Variants in NACC2 observed in about 807,000 individuals in gnomAD.
NACC2 encodes the protein nucleus accumbens-associated protein 2.
A neutral mutation model predicts 25.1 loss-of-function variants in NACC2; 8 were observed. The ratio of observed to expected loss-of-function variants is 0.32; its 90% confidence interval spans 0.19 to 0.57. The LOEUF is 0.57. Ranked by LOEUF, NACC2 falls within the 20% of genes least tolerant of loss-of-function variation. The probability of loss-of-function intolerance (pLI) is 0.89; values close to 1 mark genes in which losing one functional copy is unlikely to be tolerated. For missense variants in NACC2, 644 were observed against 650.2 expected (o/e 0.99, Z 0.10); for synonymous variants, 435 against 294.7 (o/e 1.48, Z -4.88).
At chr9:136,070,987 TG>T (rs1841143572) in intron 1 of NACC2, among the ~76,000 whole-genome samples, 1 of 151,648 alleles carries the variant, frequency 6.6e-6, no homozygotes, top group Admixed American at 6.6e-5. Flanking sequence ...CCCAGCACTT[TG>T]GGAGGCTGAG....
chr9:136,051,526 G>A (rs956276435), intron 1 of NACC2, among the ~76,000 whole-genome samples: 9 of 152,180 alleles, frequency 5.9e-5, no homozygotes, highest in African/African-American at 1.7e-4. Flanking sequence ...GGGCGGGGGC[G>A]GCCCAGAAGG....
intron 2 of NACC2, among the ~76,000 whole-genome samples, chr9:136,048,513 G>A (rs1418258239): frequency 1.3e-5 from 2 of 152,350 alleles, no homozygotes; most frequent in South Asian, 2.1e-4. Context: ...AGATCGAGGT[G>A]GCCTGTGAGC....
chr9:136,024,505 G>A lies in NACC2; in HGVS notation c.887-8076C>T, dbSNP rs574720495. 3.5e-4 allele frequency among the ~76,000 whole-genome samples: 14 copies of A among 39,852 alleles called. No homozygotes were observed. In the East Asian group the frequency reaches 0.012, roughly 33 times the overall value. The allele number at this position is 39,852 out of a possible 152,430, so 26.1% of individuals were successfully genotyped here. A position where few individuals can be genotyped will look rare whatever the true frequency, so the allele number is the denominator to read the frequency against. Reference sequence around the variant, plus strand: ...AGGACAGTGTGTGTGAGGACAGAATGTGTGTGTGTGTGTGTGTGTGTGTGT... The same window carrying A: ...AGGACAGTGTGTGTGAGGACAGAATATGTGTGTGTGTGTGTGTGTGTGTGT... On this transcript the variant is annotated intron_variant, in intron 2 of 5. Coordinates refer to ENST00000277554, the MANE Select transcript of NACC2 (RefSeq NM_144653.5).
At chr9:136,046,239 C>T (rs1840722633) in intron 2 of NACC2, among the ~76,000 whole-genome samples, 1 of 152,232 alleles carries the variant, frequency 6.6e-6, no homozygotes, top group African/African-American at 2.4e-5. Context: ...CAATCTCTAG[C>T]TCAGATGCAA....
rs1314850477 is a variant in NACC2, at chr9:136,020,260, C to T, written c.887-3831G>A. Among the ~76,000 whole-genome samples, 7 of 152,186 alleles carry T rather than the reference C, an allele frequency of 4.6e-5. No individual in the cohort carries two copies. Among genetic ancestry groups the T allele is most frequent in the Non-Finnish European group, 1.0e-4 (7 of 68,030 alleles). ...GGAAACCGGGTCTCATTGGCCTCACCCTGACTTTTCTCAACTCCCTGGGTT... is the reference window on the plus strand; with the variant it reads ...GGAAACCGGGTCTCATTGGCCTCACTCTGACTTTTCTCAACTCCCTGGGTT... On this transcript the variant is annotated intron_variant, in intron 2 of 5. Transcript: ENST00000277554. The surrounding 1 kb of genome is among the most constrained non-coding windows in gnomAD (Gnocchi z 4.7).
At chr9:136,064,007 G>A (rs1035892306) in intron 1 of NACC2, among the ~76,000 whole-genome samples, 1 of 152,016 alleles carries the variant, frequency 6.6e-6, no homozygotes, top group Non-Finnish European at 1.5e-5. Context: ...TGAAACTGTA[G>A]GCCAGGCGTG....
At position 136,011,476 on chromosome 9, in the gene NACC2, G is replaced by C. The variant is rs1446841244; in HGVS notation, c.*40C>G. On this transcript the variant is annotated 3_prime_UTR_variant, in exon 6 of 6. Coordinates refer to ENST00000277554, the MANE Select transcript of NACC2 (RefSeq NM_144653.5). ...TTTGTATTAGTAACGCATGCAAGCAGCTCTAGTACTCGGTCCCTCGCGCAG... is the reference window on the plus strand; with the variant it reads ...TTTGTATTAGTAACGCATGCAAGCACCTCTAGTACTCGGTCCCTCGCGCAG... 1.5e-6 allele frequency: 2 copies of C among 1,346,806 alleles called. No individual in the cohort carries two copies. The highest frequency in any genetic ancestry group is 1.9e-6 in the Non-Finnish European group (2 of 1,050,672). 83.4% of individuals were successfully genotyped at this position (1,346,806 alleles called of 1,614,324 possible).
chr9:136,023,961 CCA>C (rs1840335500), intron 2 of NACC2, among the ~76,000 whole-genome samples: 1 of 152,232 alleles, frequency 6.6e-6, no homozygotes, highest in Non-Finnish European at 1.5e-5. Flanking sequence ...ACAACCCCCC[CCA>C]CACACACGTG....
chr9:136,026,343 CAAAAAAAAAAAA>C (rs34514433), intron 2 of NACC2, among the ~76,000 whole-genome samples: 1 of 45,528 alleles, frequency 2.2e-5, no homozygotes, highest in Middle Eastern at 0.013. Flanking sequence ...AACTCCATCT[CAAAAAAAAAAAA>C]AAAAAAAAAA....
At chr9:136,036,321 C>T (rs1473677285) in intron 2 of NACC2, among the ~76,000 whole-genome samples, 3 of 151,996 alleles carry the variant, frequency 2.0e-5, no homozygotes, top group African/African-American at 7.3e-5. Flanking sequence ...AGATGCTCAA[C>T]AATGTAACAA....
In NACC2 at chr9:136,043,616, C is replaced by T. The variant is rs534186203; in HGVS notation, c.886+6020G>A. On this transcript the variant is annotated intron_variant, in intron 2 of 5. Coordinates refer to ENST00000277554, the MANE Select transcript of NACC2 (RefSeq NM_144653.5). ...CAGGATCTACCGCTGCACGGTCTCA[C>T]GCACAGGGATCCTATGAGAAGCAAA... Among the ~76,000 whole-genome samples the T allele has an allele frequency of 5.3e-5, 8 of 152,306 alleles. No individual in the cohort carries two copies. The East Asian group carries it at 9.7e-4, about 18-fold the overall frequency.
chr9:136,033,388 A>T (rs1226045150), intron 2 of NACC2, among the ~76,000 whole-genome samples: 1 of 152,244 alleles, frequency 6.6e-6, no homozygotes, highest in Middle Eastern at 3.4e-3. Context: ...TCACGCCTGT[A>T]ATCCCAGCAC....
At chr9:136,036,717 A>G (rs957846489) in intron 2 of NACC2, among the ~76,000 whole-genome samples, 49 of 152,202 alleles carry the variant, frequency 3.2e-4, no homozygotes, top group South Asian at 6.2e-4. Context: ...AGCAGAGATT[A>G]CTCGGCTGAA....
At chr9:136,074,865 G>A (rs1477944575) in intron 1 of NACC2, among the ~76,000 whole-genome samples, 5 of 152,184 alleles carry the variant, frequency 3.3e-5, no homozygotes, top group African/African-American at 9.6e-5. Context: ...GGCAGGAAGC[G>A]TGGCCTTCCC....
rs1840786134 is a variant in NACC2 at position 136,049,672 on chromosome 9, C to T, written c.850G>A (p.Gly284Ser). The change falls in exon 2 of 6, where the codon GGC (glycine) becomes AGC (serine). Residue 284 changes from glycine to serine, a missense_variant. Gly to Ser is a moderately conservative substitution (Grantham distance 56). Coordinates refer to ENST00000277554, the MANE Select transcript of NACC2 (RefSeq NM_144653.5). ...AYDTMVEEQY[G>S]QMYIKASGSY... Reference sequence around the variant, plus strand: ...CCGGAGGCCTTGATGTACATCTGGCCGTACTGCTCCTCCACCATGGTGTCG... The same window carrying T: ...CCGGAGGCCTTGATGTACATCTGGCTGTACTGCTCCTCCACCATGGTGTCG... The T allele has an allele frequency of 5.1e-6, 4 of 778,812 alleles. No homozygotes were observed. Among genetic ancestry groups the T allele is most frequent in the East Asian group, 2.4e-5 (1 of 41,064 alleles). The allele number at this position is 778,812 out of a possible 1,614,324, so 48.2% of individuals were successfully genotyped here.
At chr9:136,036,283 T>C in intron 2 of NACC2, among the ~76,000 whole-genome samples, 1 of 152,018 alleles carries the variant, frequency 6.6e-6, no homozygotes, top group Non-Finnish European at 1.5e-5. Context: ...CTAATACCAC[T>C]GTGAGAGAAT....
At chr9:136,029,964 G>T (rs978534119) in intron 2 of NACC2, among the ~76,000 whole-genome samples, 32 of 152,296 alleles carry the variant, frequency 2.1e-4, no homozygotes, top group African/African-American at 7.5e-4. Flanking sequence ...CTTGGGTAAA[G>T]GCACCACCGG....
intron 1 of NACC2, among the ~76,000 whole-genome samples, chr9:136,089,309 G>A (rs1830411388): frequency 6.6e-6 from 1 of 152,130 alleles, no homozygotes; most frequent in Non-Finnish European, 1.5e-5. Flanking sequence ...GTCTTCCTGA[G>A]GTCCCCACGG....
At position 136,055,286 on chromosome 9, in the gene NACC2, C is replaced by T. The variant is rs944302304; in HGVS notation, c.-59-4706G>A. On this transcript the variant is annotated intron_variant, in intron 1 of 5. Transcript: ENST00000277554. The surrounding 1 kb of genome is among the most constrained non-coding windows in gnomAD (Gnocchi z 4.9). ...CAGAACGACCCCCCTGCCTGAGTGT[C>T]GTCCCGGCAGGATTCACACAAGGAC... Among the ~76,000 whole-genome samples the T allele has an allele frequency of 3.3e-5, 5 of 152,158 alleles. No homozygotes were observed. Among genetic ancestry groups the T allele is most frequent in the African/African-American group, 4.8e-5 (2 of 41,434 alleles).
Sources: gnomAD v4.1 joint callset for allele counts (sites outside exome capture counted in the v4.1 genomes callset) on GRCh38, gnomAD v4.1.1 for gene constraint, Gnocchi (gnomAD v3.1) non-coding constraint, MANE v1.5 for transcripts, NCBI Gene and HGNC (gene_info 2026-07-23, HGNC 2026-07-21) for gene names.